DCLK1: variants seen among roughly 807,000 people sequenced by gnomAD.
DCLK1 encodes the protein doublecortin like kinase 1.
A neutral mutation model predicts 86.2 loss-of-function variants in DCLK1; 16 were observed. The observed-to-expected ratio is 0.19, with a 90% CI of 0.13 to 0.28. The LOEUF (loss-of-function observed/expected upper bound fraction) is 0.28. DCLK1 is among the 10% of genes least tolerant of loss of function. The probability of loss-of-function intolerance (pLI) is 1.00; values close to 1 mark genes in which losing one functional copy is unlikely to be tolerated. For missense variants in DCLK1, 590 were observed against 940.2 expected, an observed-to-expected ratio of 0.63 and a Z score of 4.87; for synonymous variants, 369 against 370.5, an observed-to-expected ratio of 1.00 and a Z score of 0.05.
chr13:36,027,878 C>A (rs1191727078), intron 3 of DCLK1, among the ~76,000 whole-genome samples: 1 of 152,092 alleles, frequency 6.6e-6, no homozygotes, highest in African/African-American at 2.4e-5. Flanking sequence ...ACTATAGGTG[C>A]ATGGCACCAC....
In DCLK1 at chr13:36,061,349, A is replaced by G. The variant is rs527650877; in HGVS notation, c.723+50520T>C. On this transcript the variant is annotated intron_variant, in intron 3 of 16. Transcript: ENST00000360631. The stretch of plus-strand genomic sequence containing the variant: ...ACCCCATTACACATGTATTTTTATG[A>G]TAAGTAAAAATAAAGTATCTAAAGA... Among the ~76,000 whole-genome samples, 56 of 152,296 alleles carry G rather than the reference A, an allele frequency of 3.7e-4. 1 individual carries two copies. The South Asian group carries it at 0.011, about 29-fold the overall frequency.
chr13:36,106,688 A>C (rs1593895743), intron 3 of DCLK1, among the ~76,000 whole-genome samples: 2 of 152,170 alleles, frequency 1.3e-5, no homozygotes, highest in Non-Finnish European at 2.9e-5. Flanking sequence ...AAAAGGAAAA[A>C]TACCACTGCT....
chr13:36,077,023 AGAG>A lies in DCLK1; in HGVS notation c.723+34843_723+34845del, dbSNP rs559869854. The stretch of plus-strand genomic sequence containing the variant: ...GGAGAGGAGGAGGGAGAGGAGAAAG[AGAG>A]GAGGAGGAGAAAATATAGGTAGAAG... On this transcript the variant is annotated intron_variant, in intron 3 of 16. Coordinates refer to ENST00000360631, the MANE Select transcript of DCLK1 (RefSeq NM_001330071.2). Among the ~76,000 whole-genome samples, 669 of 152,296 alleles carry A rather than the reference AGAG, an allele frequency of 4.4e-3. 5 individuals are homozygous for A. The highest frequency in any genetic ancestry group is 7.9e-3 in the Non-Finnish European group (537 of 68,024).
intron 4 of DCLK1, among the ~76,000 whole-genome samples, chr13:35,911,483 G>A (rs1285818753): frequency 1.3e-5 from 2 of 152,114 alleles, no homozygotes; most frequent in Admixed American, 6.6e-5. Flanking sequence ...GGATTTCTGT[G>A]AGGTTTCCTT....
At chr13:35,903,902 T>C (rs1228826062) in intron 4 of DCLK1, among the ~76,000 whole-genome samples, 1 of 152,216 alleles carries the variant, frequency 6.6e-6, no homozygotes, top group East Asian at 1.9e-4. Context: ...AATTTTTCTC[T>C]ACACTTCAGT....
intron 4 of DCLK1, among the ~76,000 whole-genome samples, chr13:35,903,755 T>C (rs1874522399): frequency 6.6e-6 from 1 of 152,076 alleles, no homozygotes; most frequent in Non-Finnish European, 1.5e-5. Context: ...AATTCAAATA[T>C]GCTTTACAAC....
rs901617252 is a variant in DCLK1 at position 35,773,909 on chromosome 13, C to T, written c.*626G>A. On this transcript the variant is annotated 3_prime_UTR_variant, in exon 17 of 17. Transcript: ENST00000360631. ...TTTGCCACAAACCCAATTCCCTCCA[C>T]TTGGGATGCAGAACTCACTGCAACT... The T allele has an allele frequency of 6.6e-6, 1 of 152,274 alleles. No individual in the cohort carries two copies. Among genetic ancestry groups the T allele is most frequent in the South Asian group, 2.1e-4 (1 of 4,822 alleles). 9.4% of individuals were successfully genotyped at this position (152,274 alleles called of 1,614,324 possible). A position where few individuals can be genotyped will look rare whatever the true frequency, so the allele number is the denominator to read the frequency against.
chr13:35,853,962 C>T (rs761255224), intron 6 of DCLK1, among the ~76,000 whole-genome samples: 11 of 152,172 alleles, frequency 7.2e-5, no homozygotes, highest in Non-Finnish European at 1.0e-4. Flanking sequence ...AACTTTTTCA[C>T]TGTGGTCTCC....
intron 3 of DCLK1, among the ~76,000 whole-genome samples, chr13:35,958,148 C>CATCACTATA (rs1566620680): frequency 6.6e-6 from 1 of 150,746 alleles, no homozygotes; most frequent in African/African-American, 2.5e-5. Flanking sequence ...CCACCACCAC[C>CATCACTATA]ACCACTATAA....
chr13:35,787,693 C>T (rs2086648240), intron 16 of DCLK1, among the ~76,000 whole-genome samples: 1 of 152,118 alleles, frequency 6.6e-6, no homozygotes, highest in Non-Finnish European at 1.5e-5. Flanking sequence ...TTTGAAAACA[C>T]AAGCTTACCA....
chr13:35,830,339 C>T (rs9788334), intron 8 of DCLK1, among the ~76,000 whole-genome samples: 28,182 of 151,942 alleles, frequency 0.19, 2,891 homozygotes, highest in Admixed American at 0.29. Flanking sequence ...TGCAGTGAGC[C>T]GAGATCATGC....
intron 3 of DCLK1, among the ~76,000 whole-genome samples, chr13:36,100,881 G>A (rs7994174): frequency 0.14 from 21,357 of 152,148 alleles, 2,103 homozygotes; most frequent in African/African-American, 0.28. Flanking sequence ...TCTGCAGTAC[G>A]TAAGACTGTT....
At chr13:35,976,555 G>T (rs1347990812) in intron 3 of DCLK1, among the ~76,000 whole-genome samples, 1 of 66,974 alleles carries the variant, frequency 1.5e-5, no homozygotes, top group Non-Finnish European at 4.1e-5. Flanking sequence ...TTTTGAGACG[G>T]AGTCTCGCTC....
chr13:35,924,632 A>G (rs1325963508), intron 4 of DCLK1, among the ~76,000 whole-genome samples: 1 of 151,610 alleles, frequency 6.6e-6, no homozygotes, highest in Non-Finnish European at 1.5e-5. Flanking sequence ...CCTGGGTGAC[A>G]GAGCAAGACC....
chr13:36,021,461 A>G (rs911977859), intron 3 of DCLK1, among the ~76,000 whole-genome samples: 2 of 151,934 alleles, frequency 1.3e-5, no homozygotes, highest in African/African-American at 2.4e-5. Flanking sequence ...TTGGCAGACT[A>G]TTTCTTTAAA....
chr13:35,859,509 C>A (rs1007204975), intron 5 of DCLK1, among the ~76,000 whole-genome samples: 1 of 152,170 alleles, frequency 6.6e-6, no homozygotes, highest in African/African-American at 2.4e-5. Flanking sequence ...CTATCCCTCC[C>A]GACGGTACAT....
chr13:35,978,717 C>T lies in DCLK1; in HGVS notation c.724-31260G>A, dbSNP rs112162038. 8.1e-3 allele frequency among the ~76,000 whole-genome samples: 1,230 copies of T among 152,206 alleles called. 24 individuals carry two copies. Among genetic ancestry groups the T allele is most frequent in the East Asian group, 0.062 (320 of 5,168 alleles). The stretch of plus-strand genomic sequence containing the variant: ...CAATTCGCCACTTGGTGTCACTAGA[C>T]CTCCAGGAAACTCAAATTTACACTT... On this transcript the variant is annotated intron_variant, in intron 3 of 16. Coordinates refer to ENST00000360631, the MANE Select transcript of DCLK1 (RefSeq NM_001330071.2).
At chr13:36,013,784 T>C (rs570967220) in intron 3 of DCLK1, among the ~76,000 whole-genome samples, 13 of 152,328 alleles carry the variant, frequency 8.5e-5, no homozygotes, top group Admixed American at 5.2e-4. Flanking sequence ...CTGCTTTGTT[T>C]ACCTAAGCAA....
intron 16 of DCLK1, 92 bp downstream of exon 16, chr13:35,793,274 G>C (rs969040262): frequency 1.1e-5 from 10 of 935,656 alleles, no homozygotes; most frequent in Non-Finnish European, 1.6e-5. Context: ...GACCCATTCT[G>C]CTGTCTCTGA....
Sources: gnomAD v4.1 joint callset for allele counts (sites outside exome capture counted in the v4.1 genomes callset) on GRCh38, gnomAD v4.1.1 for gene constraint, MANE v1.5 for transcripts, NCBI Gene and HGNC (gene_info 2026-07-23, HGNC 2026-07-21) for gene names.